PRH1: variants seen among roughly 807,000 people sequenced by gnomAD.
PRH1 encodes the protein proline rich protein HaeIII subfamily 1, also known as salivary acidic proline-rich phosphoprotein 1/2.
Under a neutral mutation model 7.9 loss-of-function variants are expected in PRH1, and 7 were observed. The observed-to-expected ratio is 0.89, with a 90% CI of 0.50 to 1.67. The LOEUF (loss-of-function observed/expected upper bound fraction) is 1.67, where lower values mean the gene tolerates loss of function less well. PRH1 is among the 40% of genes most tolerant of loss of function. The pLI, the probability that PRH1 is intolerant of heterozygous loss-of-function variation, is 0.00. For synonymous variants in PRH1, 45 were observed against 80.8 expected (o/e 0.56, Z 2.38); for missense variants, 109 against 223.6 (o/e 0.49, Z 3.27).
chr12:11,115,753 C>A (rs1285787589), intron 1 of PRH1, among the ~76,000 whole-genome samples: 1 of 151,944 alleles, frequency 6.6e-6, no homozygotes, highest in Non-Finnish European at 1.5e-5. Flanking sequence ...ATTTTGGAAA[C>A]TATACAGACA....
At chr12:11,156,908 C>T (rs565293223) in intron 1 of PRH1, among the ~76,000 whole-genome samples, 9 of 148,418 alleles carry the variant, frequency 6.1e-5, no homozygotes, top group South Asian at 2.1e-4. Context: ...TGCAGTGGCG[C>T]GATCTTGGCT....
intron 2 of PRH1, chr12:10,895,824 C>T (rs1234175678): frequency 6.6e-6 from 1 of 152,162 alleles, no homozygotes; most frequent in Non-Finnish European, 1.5e-5. Context: ...CCCACAGTCC[C>T]CATTATGAAT....
rs142963148 is a variant in PRH1, at chr12:11,092,236, A to C, written n.124-45048T>G. The stretch of plus-strand genomic sequence containing the variant: ...TGGGTAGAAAAGTTATCATGTCTGA[A>C]CAGACAAAAAAAATTTTTTTAAATG... On this transcript the variant is annotated intron_variant and non_coding_transcript_variant, in intron 1 of 4. Coordinates refer to the PRH1 transcript ENST00000541977. 3.4e-4 allele frequency: 430 copies of C among 1,271,630 alleles called. 57 individuals are homozygous for C. The African/African-American group carries it at 6.0e-3, about 18-fold the overall frequency. The allele number at this position is 1,271,630 out of a possible 1,614,324, so 78.8% of individuals were successfully genotyped here.
chr12:11,121,260 C>T (rs7299875), intron 1 of PRH1: 32,183 of 152,100 alleles, frequency 0.21, 3,998 homozygotes, highest in Non-Finnish European at 0.27. Flanking sequence ...TAAAACATAT[C>T]ATTAATACGT....
chr12:10,897,998 T>C (rs928754367), intron 2 of PRH1, among the ~76,000 whole-genome samples: 4 of 152,232 alleles, frequency 2.6e-5, no homozygotes, highest in African/African-American at 4.8e-5. Flanking sequence ...ATTTAGCATA[T>C]GAATGGTATC....
At chr12:11,089,172 C>G (rs1306866478) in intron 1 of PRH1, among the ~76,000 whole-genome samples, 1 of 115,316 alleles carries the variant, frequency 8.7e-6, no homozygotes, top group Admixed American at 8.7e-5. Context: ...GTACCTTGCC[C>G]GATCCAGGTC....
intron 1 of PRH1, among the ~76,000 whole-genome samples, chr12:11,101,256 G>A (rs1156777316): frequency 6.6e-6 from 1 of 152,182 alleles, no homozygotes; most frequent in Non-Finnish European, 1.5e-5. Context: ...GGGAGGCTGA[G>A]GCAGGTGGAT....
At chr12:11,126,889 C>A (rs767622833) in intron 1 of PRH1, among the ~76,000 whole-genome samples, 23 of 152,182 alleles carry the variant, frequency 1.5e-4, no homozygotes, top group Admixed American at 7.2e-4. Context: ...AATGAAGGTG[C>A]CCATGGGAAA....
chr12:11,133,549 G>T, intron 1 of PRH1: 1 of 1,614,202 alleles, frequency 6.2e-7, no homozygotes, highest in Non-Finnish European at 8.5e-7. Flanking sequence ...GAAGAAAGGA[G>T]GTCACAGTTT....
At chr12:11,042,893 T>C (rs1268309241) in intron 1 of PRH1, among the ~76,000 whole-genome samples, 1 of 151,972 alleles carries the variant, frequency 6.6e-6, no homozygotes, top group African/African-American at 2.4e-5. Flanking sequence ...CCTCCCAAAG[T>C]GCTGGGATTA....
Position 11,021,854 on chromosome 12 carries a change from T to C in PRH1, c.-126+25166A>G, listed in dbSNP as rs1455561742. On this transcript the variant is annotated intron_variant, in intron 1 of 3. Transcript: ENST00000539853. ...GATGTGATTATACACAGAAAGTAAA[T>C]GGCAAATAACATGAGGAAGGAGGTC... 8.7e-6 allele frequency: 14 copies of C among 1,614,268 alleles called. No individual in the cohort carries two copies. The Middle Eastern group carries it at 8.2e-4, about 95-fold the overall frequency.
intron 1 of PRH1, among the ~76,000 whole-genome samples, chr12:11,112,077 C>A (rs1283045742): frequency 6.6e-6 from 1 of 152,166 alleles, no homozygotes; most frequent in Non-Finnish European, 1.5e-5. Context: ...ATACTGGACA[C>A]ATACAACATC....
At chr12:11,075,568 C>G (rs1944256076) in intron 1 of PRH1, among the ~76,000 whole-genome samples, 1 of 114,546 alleles carries the variant, frequency 8.7e-6, no homozygotes, top group South Asian at 2.4e-4. Context: ...GCACTCACAG[C>G]TGAACCTGGC....
chr12:11,051,115 T>G (rs545612310), upstream of PRH1, among the ~76,000 whole-genome samples: 1 of 152,270 alleles, frequency 6.6e-6, no homozygotes, highest in African/African-American at 2.4e-5. Flanking sequence ...ATATAGGTAT[T>G]CTGCTAAGCC....
chr12:11,131,750 TG>T, intron 1 of PRH1, among the ~76,000 whole-genome samples: 1 of 152,214 alleles, frequency 6.6e-6, no homozygotes, highest in African/African-American at 2.4e-5. Flanking sequence ...ACTTTTCCTC[TG>T]AGGAAGGATT....
intron 2 of PRH1, among the ~76,000 whole-genome samples, chr12:10,927,967 A>C (rs1288776874): frequency 6.6e-6 from 1 of 152,204 alleles, no homozygotes; most frequent in Non-Finnish European, 1.5e-5. Flanking sequence ...ATTTTTCAGA[A>C]ACTTAATAGT....
intron 1 of PRH1, among the ~76,000 whole-genome samples, chr12:11,027,221 T>C (rs1053227176): frequency 2.0e-5 from 3 of 150,892 alleles, no homozygotes; most frequent in African/African-American, 7.4e-5. Context: ...GCTGTGATCC[T>C]GCCACTGAAC....
intron 1 of PRH1, chr12:10,997,861 T>C (rs764787678): frequency 1.3e-6 from 2 of 1,595,258 alleles, no homozygotes; most frequent in South Asian, 1.1e-5. Flanking sequence ...AAACAATGTG[T>C]AGAAAACTCA....
At chr12:10,883,236 T>A in intron 1 of PRH1, 140 bp from the exon 2 acceptor site, 3 of 975,444 alleles carry the variant, frequency 3.1e-6, no homozygotes, top group Non-Finnish European at 3.1e-6. Flanking sequence ...CTGATGCTAC[T>A]GGAAGTGGAA....
Sources: gnomAD v4.1 joint callset for allele counts (sites outside exome capture counted in the v4.1 genomes callset) on GRCh38, gnomAD v4.1.1 for gene constraint, MANE v1.5 for transcripts, NCBI Gene and HGNC (gene_info 2026-07-23, HGNC 2026-07-21) for gene names.